AKAP13: variants seen among roughly 807,000 people sequenced by gnomAD.
AKAP13 encodes A-kinase anchoring protein 13.
In AKAP13, 80 loss-of-function variants were observed where a neutral mutation model predicts 264.5. The ratio of observed to expected loss-of-function variants is 0.30; its 90% CI spans 0.25 to 0.36. The LOEUF (loss-of-function observed/expected upper bound fraction) is 0.36, where lower values mean the gene tolerates loss of function less well. Ranked by LOEUF, AKAP13 falls within the 10% of genes least tolerant of loss-of-function variation. The probability of loss-of-function intolerance (pLI) is 1.00; values close to 1 mark genes in which losing one functional copy is unlikely to be tolerated. For missense variants in AKAP13, 3,712 were observed against 3,435.2 expected (o/e 1.08, Z -2.01); for synonymous variants, 1,380 against 1,250.2 (o/e 1.10, Z -2.19).
chr15:85,433,719 G>C (rs1381493660), intron 1 of AKAP13, among the ~76,000 whole-genome samples: 1 of 152,004 alleles, frequency 6.6e-6, no homozygotes, highest in African/African-American at 2.4e-5. Flanking sequence ...CACTTTGGGA[G>C]GCTGAAGTGG....
chr15:85,386,088 G>A (rs1027807444), intron 1 of AKAP13, among the ~76,000 whole-genome samples: 1 of 152,176 alleles, frequency 6.6e-6, no homozygotes, highest in Non-Finnish European at 1.5e-5. Context: ...GCCTCCCAAA[G>A]TGCTGGGATT....
chr15:85,651,960 G>T lies in AKAP13; in HGVS notation c.4375-3457G>T, dbSNP rs1165991654. 2.0e-5 allele frequency among the ~76,000 whole-genome samples: 3 copies of T among 152,208 alleles called. No homozygotes were observed. The East Asian group carries it at 5.8e-4, about 29-fold the overall frequency. On this transcript the variant is annotated intron_variant, in intron 10 of 36. Coordinates refer to ENST00000394518, the MANE Select transcript of AKAP13 (RefSeq NM_007200.5). ...TGTACCATTTTACATTTTCACCAGT[G>T]ATGTTTTGTTTTCCTTTTTCAAGTA...
rs372257837 is a variant in AKAP13, at chr15:85,741,507, C to A, written c.8058+12C>A. On this transcript the variant is annotated intron_variant, in intron 35 of 36. Coordinates refer to ENST00000394518, the MANE Select transcript of AKAP13 (RefSeq NM_007200.5). ...GGGACCTGTGTCAGGTAATGGGACT[C>A]CCTGCCGAGAGCAACCTAATGATGA... 16 of 1,562,778 alleles carry A rather than the reference C, an allele frequency of 1.0e-5. No individual in the cohort carries two copies. The South Asian group carries it at 1.8e-4, about 17-fold the overall frequency.
chr15:85,433,481 A>G (rs1006838443), intron 1 of AKAP13, among the ~76,000 whole-genome samples: 7 of 152,074 alleles, frequency 4.6e-5, no homozygotes, highest in Non-Finnish European at 8.8e-5. Context: ...GTGGAAGATG[A>G]TACCACCTCA....
intron 5 of AKAP13, among the ~76,000 whole-genome samples, chr15:85,562,911 A>G (rs1393166824): frequency 6.9e-6 from 1 of 144,568 alleles, no homozygotes. Context: ...ATAGGGTTTC[A>G]CCATATTGGC....
chr15:85,407,216 C>T (rs1015712345), intron 1 of AKAP13, among the ~76,000 whole-genome samples: 3 of 147,936 alleles, frequency 2.0e-5, no homozygotes, highest in East Asian at 1.9e-4. Flanking sequence ...AGGGATGGGA[C>T]GGGTGTGCTG....
intron 1 of AKAP13, among the ~76,000 whole-genome samples, chr15:85,399,530 AT>A (rs1567038708): frequency 0.036 from 4,526 of 126,606 alleles, 212 homozygotes; most frequent in African/African-American, 0.053. Context: ...AAATAAAAAA[AT>A]AAAAAAATAA....
At chr15:85,684,965 A>G (rs1296526033) in intron 16 of AKAP13, 92 bp downstream of exon 16, 10 of 1,381,192 alleles carry the variant, frequency 7.2e-6, no homozygotes, top group Non-Finnish European at 9.7e-6. Flanking sequence ...TCATGGGGAC[A>G]TAAATGGAAA....
intron 10 of AKAP13, among the ~76,000 whole-genome samples, chr15:85,651,121 A>T (rs934655068): frequency 6.6e-6 from 1 of 152,206 alleles, no homozygotes; most frequent in East Asian, 1.9e-4. Flanking sequence ...TTTTATGTTT[A>T]TAATGTTTAT....
At chr15:85,427,933 G>A (rs570746667) in intron 1 of AKAP13, among the ~76,000 whole-genome samples, 1 of 152,282 alleles carries the variant, frequency 6.6e-6, no homozygotes, top group South Asian at 2.1e-4. Flanking sequence ...ATCAAATGTG[G>A]TTAGTCCTGG....
At chr15:85,437,712 C>T (rs958172127) in intron 1 of AKAP13, among the ~76,000 whole-genome samples, 1 of 152,132 alleles carries the variant, frequency 6.6e-6, no homozygotes, top group Non-Finnish European at 1.5e-5. Flanking sequence ...GAGCCAAAGA[C>T]AAAAACCACA....
At chr15:85,423,669 G>C (rs34159880) in intron 1 of AKAP13, among the ~76,000 whole-genome samples, 3 of 152,048 alleles carry the variant, frequency 2.0e-5, no homozygotes, top group African/African-American at 7.2e-5. Flanking sequence ...ATATTTTGAT[G>C]TTCTCCCCTG....
chr15:85,691,254 G>A (rs1050843723), intron 16 of AKAP13, among the ~76,000 whole-genome samples: 1 of 152,152 alleles, frequency 6.6e-6, no homozygotes, highest in Non-Finnish European at 1.5e-5. Flanking sequence ...GGTCTTTGTA[G>A]TCCAGTTGGT....
At chr15:85,474,500 A>C (rs1567075989) in intron 1 of AKAP13, among the ~76,000 whole-genome samples, 1 of 152,216 alleles carries the variant, frequency 6.6e-6, no homozygotes. Flanking sequence ...ATGACTGTCT[A>C]AGGGATTACT....
At chr15:85,566,824 T>A (rs1425549853) in intron 5 of AKAP13, among the ~76,000 whole-genome samples, 1 of 151,702 alleles carries the variant, frequency 6.6e-6, no homozygotes, top group African/African-American at 2.4e-5. Flanking sequence ...GAGACGGGGT[T>A]TCCCAGTGTT....
At chr15:85,563,503 A>G (rs2078489243) in intron 5 of AKAP13, among the ~76,000 whole-genome samples, 2 of 152,004 alleles carry the variant, frequency 1.3e-5, no homozygotes, top group African/African-American at 4.8e-5. Context: ...TTCTACTTGG[A>G]AGGAACATTC....
intron 8 of AKAP13, among the ~76,000 whole-genome samples, chr15:85,601,262 GT>G (rs1442462314): frequency 1.3e-5 from 2 of 152,154 alleles, no homozygotes; most frequent in Non-Finnish European, 2.9e-5. Flanking sequence ...CCCTTAGGAA[GT>G]ACCTTTCAGT....
chr15:85,625,965 C>T (rs1335520483), intron 8 of AKAP13, among the ~76,000 whole-genome samples: 1 of 152,356 alleles, frequency 6.6e-6, no homozygotes, highest in East Asian at 1.9e-4. Context: ...ATCTCTTAAG[C>T]AGCTTACTTT....
At chr15:85,413,397 C>A (rs6497117) in intron 1 of AKAP13, among the ~76,000 whole-genome samples, 3 of 151,578 alleles carry the variant, frequency 2.0e-5, no homozygotes, top group Non-Finnish European at 4.4e-5. Flanking sequence ...GTTCAGTTGT[C>A]GTTGCTTATG....
Sources: allele counts gnomAD v4.1 joint callset (sites outside exome capture counted in the v4.1 genomes callset), GRCh38; gene constraint gnomAD v4.1.1; transcripts MANE v1.5; gene names NCBI Gene and HGNC (gene_info 2026-07-23, HGNC 2026-07-21).